The following CHP1 variants were observed in gnomAD, a reference collection of about 807,000 sequenced individuals.
CHP1 encodes the protein calcineurin B homologous protein 1.
A neutral mutation model predicts 27.4 loss-of-function variants in CHP1; 11 were observed. The observed-to-expected ratio is 0.40, with a 90% CI of 0.25 to 0.67. CHP1 has a LOEUF of 0.67. Among genes scored for constraint, CHP1 ranks in the 30% least tolerant of loss-of-function variants. The probability of loss-of-function intolerance (pLI) is 0.38; values close to 1 mark genes in which losing one functional copy is unlikely to be tolerated. For synonymous variants in CHP1, 89 were observed against 87.4 expected (o/e 1.02, Z -0.10); for missense variants, 169 against 251.3 (o/e 0.67, Z 2.22).
At position 41,243,700 on chromosome 15, in the gene CHP1, G is replaced by A; in HGVS notation, c.101G>A (p.Arg34Gln). The change falls in exon 2 of 7, where the codon CGG becomes CAG. Residue 34 changes from arginine to glutamine, a missense_variant. Transcript: ENST00000334660. Reference sequence around the variant, plus strand: ...AGTCAAATCACTCGCCTCTACAGCCGGTTCACCAGCCTGGACAAAGGAGAG... The same window carrying A: ...AGTCAAATCACTCGCCTCTACAGCCAGTTCACCAGCCTGGACAAAGGAGAG... ...SHSQITRLYS[R>Q]FTSLDKGENG... The A allele has an allele frequency of 1.9e-6, 3 of 1,613,996 alleles. No homozygotes were observed. The highest frequency in any genetic ancestry group is 1.7e-6 in the Non-Finnish European group (2 of 1,179,982).
chr15:41,252,489 G>A (rs1020711532), intron 2 of CHP1, among the ~76,000 whole-genome samples: 1 of 152,066 alleles, frequency 6.6e-6, no homozygotes, highest in African/African-American at 2.4e-5. Context: ...TTTTCTAATT[G>A]AATGTGTGTT....
At chr15:41,259,697 A>G (rs2047422344) in intron 3 of CHP1, among the ~76,000 whole-genome samples, 1 of 152,150 alleles carries the variant, frequency 6.6e-6, no homozygotes, top group Non-Finnish European at 1.5e-5. Context: ...TTTTGACCAG[A>G]TACTGGTCCA....
intron 4 of CHP1, among the ~76,000 whole-genome samples, chr15:41,267,498 C>A (rs757132029): frequency 1.7e-4 from 26 of 151,738 alleles, no homozygotes; most frequent in Non-Finnish European, 3.1e-4. Context: ...CCTGTCTCTA[C>A]TAAAAATACA....
rs183108839 is a variant in CHP1, at chr15:41,257,533, T to C, written c.221+543T>C. 7.4e-3 allele frequency among the ~76,000 whole-genome samples: 1,130 copies of C among 151,896 alleles called. 10 individuals carry two copies. Among genetic ancestry groups the C allele is most frequent in the Non-Finnish European group, 0.012 (787 of 67,942 alleles). ...AAATATTATTTCCATATATAATCAA[T>C]ATTAAAAATAACTGAGATCCTTTTT... On this transcript the variant is annotated intron_variant, in intron 3 of 6. Coordinates refer to ENST00000334660, the MANE Select transcript of CHP1 (RefSeq NM_007236.5).
intron 1 of CHP1, among the ~76,000 whole-genome samples, chr15:41,232,080 T>TA (rs1328954483): frequency 2.0e-5 from 3 of 152,204 alleles, no homozygotes; most frequent in Non-Finnish European, 4.4e-5. Flanking sequence ...GTTTTTTACT[T>TA]ACACGACGAT....
chr15:41,253,217 G>C (rs958848817), intron 2 of CHP1, among the ~76,000 whole-genome samples: 2 of 151,772 alleles, frequency 1.3e-5, no homozygotes, highest in Non-Finnish European at 2.9e-5. Flanking sequence ...GATTACAGGC[G>C]TGAGCCACTG....
At chr15:41,239,678 T>A (rs1202745383) in intron 1 of CHP1, among the ~76,000 whole-genome samples, 1 of 152,074 alleles carries the variant, frequency 6.6e-6, no homozygotes, top group Non-Finnish European at 1.5e-5. Flanking sequence ...ATTGCAGGCT[T>A]GAGCCACCAG....
At chr15:41,267,618 C>T (rs1325771105) in intron 4 of CHP1, among the ~76,000 whole-genome samples, 21 of 150,880 alleles carry the variant, frequency 1.4e-4, no homozygotes, top group African/African-American at 4.9e-4. Context: ...CCTGAGATCG[C>T]GCCACTGCAC....
intron 4 of CHP1, among the ~76,000 whole-genome samples, chr15:41,263,914 G>A (rs1306731720): frequency 6.6e-6 from 1 of 152,118 alleles, no homozygotes; most frequent in Non-Finnish European, 1.5e-5. Context: ...AATAGCACTA[G>A]TGGATTTGGG....
At chr15:41,243,818 A>T in intron 2 of CHP1, 79 bp downstream of exon 2, 1 of 1,224,914 alleles carries the variant, frequency 8.2e-7, no homozygotes, top group Non-Finnish European at 1.2e-6. Flanking sequence ...CTTTATCCCT[A>T]GGGTAGACAT....
intron 4 of CHP1, among the ~76,000 whole-genome samples, chr15:41,266,136 A>T (rs374426989): frequency 2.0e-5 from 3 of 152,228 alleles, no homozygotes; most frequent in East Asian, 1.9e-4. Context: ...ATACAAAATT[A>T]GCCAGGCATG....
At chr15:41,239,320 G>GTT (rs34584018) in intron 1 of CHP1, among the ~76,000 whole-genome samples, 4,429 of 145,252 alleles carry the variant, frequency 0.03, 73 homozygotes, top group Non-Finnish European at 0.041. Context: ...CTGGAAGATA[G>GTT]TTTTTTTTTT....
chr15:41,240,039 G>A (rs186128948), intron 1 of CHP1, among the ~76,000 whole-genome samples: 54 of 152,140 alleles, frequency 3.5e-4, no homozygotes, highest in African/African-American at 1.3e-3. Flanking sequence ...GCCTCCCAAA[G>A]TGCTGGGATT....
At chr15:41,240,588 T>C (rs1411575592) in intron 1 of CHP1, among the ~76,000 whole-genome samples, 1 of 151,886 alleles carries the variant, frequency 6.6e-6, no homozygotes, top group East Asian at 2.0e-4. Context: ...ACCCTGTCTC[T>C]ACTAAAAATA....
At chr15:41,260,301 T>G (rs1011645934) in intron 3 of CHP1, among the ~76,000 whole-genome samples, 2 of 152,084 alleles carry the variant, frequency 1.3e-5, no homozygotes, top group African/African-American at 4.8e-5. Flanking sequence ...GAATTATTTC[T>G]TACAGGGTTA....
intron 3 of CHP1, among the ~76,000 whole-genome samples, chr15:41,257,846 C>T (rs1402612062): frequency 1.8e-4 from 27 of 152,234 alleles, no homozygotes; most frequent in Admixed American, 1.8e-3. Context: ...TGGCGTGAGC[C>T]ACCATGCCCA....
At position 41,261,419 on chromosome 15, in the gene CHP1, G is replaced by A. The variant is rs569876770; in HGVS notation, c.222-1337G>A. ...GATCTGCCTGCCTCAGCCTCCCAAAGTATTAGGATGATGGGCATGGACCAC... is the reference window on the plus strand; with the variant it reads ...GATCTGCCTGCCTCAGCCTCCCAAAATATTAGGATGATGGGCATGGACCAC... On this transcript the variant is annotated intron_variant, in intron 3 of 6. Transcript: ENST00000334660. Among the ~76,000 whole-genome samples the A allele has an allele frequency of 9.9e-5, 15 of 152,052 alleles. No homozygotes were observed. In the East Asian group the frequency reaches 2.9e-3, roughly 30 times the overall value.
At chr15:41,239,929 A>G (rs769096186) in intron 1 of CHP1, among the ~76,000 whole-genome samples, 10 of 151,878 alleles carry the variant, frequency 6.6e-5, no homozygotes, top group Non-Finnish European at 1.5e-4. Flanking sequence ...GGTGCCTGCC[A>G]CCACGCCCGT....
At chr15:41,260,891 T>G (rs2047429302) in intron 3 of CHP1, among the ~76,000 whole-genome samples, 1 of 152,028 alleles carries the variant, frequency 6.6e-6, no homozygotes, top group Admixed American at 6.6e-5. Context: ...AGAAAATGCA[T>G]TCATATATAT....
Sources: allele counts gnomAD v4.1 joint callset (sites outside exome capture counted in the v4.1 genomes callset), GRCh38; gene constraint gnomAD v4.1.1; transcripts MANE v1.5; gene names NCBI Gene and HGNC (gene_info 2026-07-23, HGNC 2026-07-21).